Variants in CIAPIN1 observed in about 807,000 individuals in gnomAD.
The protein encoded by CIAPIN1 is anamorsin.
In CIAPIN1, 18 loss-of-function variants were observed where a neutral mutation model predicts 34.3. That is an observed-to-expected ratio of 0.52 (90% confidence interval 0.36 to 0.78). The LOEUF is 0.78. Among genes scored for constraint, CIAPIN1 ranks in the 30% least tolerant of loss-of-function variants. CIAPIN1 has a pLI of 0.00. For synonymous variants in CIAPIN1, 131 were observed against 140.4 expected (o/e 0.93, Z 0.47); for missense variants, 310 against 372.5 (o/e 0.83, Z 1.38).
At chr16:57,443,169 CAG>C (rs2029918428) in intron 1 of CIAPIN1, among the ~76,000 whole-genome samples, 1 of 134,632 alleles carries the variant, frequency 7.4e-6, no homozygotes, top group African/African-American at 2.8e-5. Context: ...GTGGGGAGGA[CAG>C]AGTTTCACTC....
At position 57,428,348 on chromosome 16, in the gene CIAPIN1, T is replaced by C. The variant is rs1367749197; in HGVS notation, c.*822A>G. Reference sequence around the variant, plus strand: ...AGAGAGACGTATTGTCGTTCAGAGTTCTGCCCTGCTTCCCTCTAAATGCTC... The same window carrying C: ...AGAGAGACGTATTGTCGTTCAGAGTCCTGCCCTGCTTCCCTCTAAATGCTC... On this transcript the variant is annotated 3_prime_UTR_variant, in exon 9 of 9. Transcript: ENST00000394391. 2.0e-5 allele frequency: 3 copies of C among 152,182 alleles called. No individual in the cohort carries two copies. Among genetic ancestry groups the C allele is most frequent in the Non-Finnish European group, 4.4e-5 (3 of 68,032 alleles). 9.4% of individuals were successfully genotyped at this position (152,182 alleles called of 1,614,324 possible).
rs1183112453 is a variant in CIAPIN1 at position 57,428,316 on chromosome 16, T to A, written c.*854A>T. On this transcript the variant is annotated 3_prime_UTR_variant, in exon 9 of 9. Coordinates refer to ENST00000394391, the MANE Select transcript of CIAPIN1 (RefSeq NM_020313.4). ...GGTGGATAACAAGAACAAAGGGGTC[T>A]CTGCTCAGAGAGACGTATTGTCGTT... is the stretch of plus-strand genomic sequence containing the variant. 2 of 152,226 alleles carry A rather than the reference T, an allele frequency of 1.3e-5. No homozygotes were observed. Among genetic ancestry groups the A allele is most frequent in the Non-Finnish European group, 2.9e-5 (2 of 68,050 alleles). 9.4% of individuals were successfully genotyped at this position (152,226 alleles called of 1,614,324 possible). A position where few individuals can be genotyped will look rare whatever the true frequency, so the allele number is the denominator to read the frequency against.
chr16:57,443,061 T>C (rs1457330582), intron 1 of CIAPIN1, among the ~76,000 whole-genome samples: 5 of 143,860 alleles, frequency 3.5e-5, no homozygotes, highest in African/African-American at 1.3e-4. Context: ...TTTTCCTTAA[T>C]GACAGAGGGC....
intron 4 of CIAPIN1, among the ~76,000 whole-genome samples, chr16:57,436,065 C>T (rs527877578): frequency 2.4e-4 from 36 of 152,296 alleles, no homozygotes; most frequent in South Asian, 8.3e-4. Flanking sequence ...GCCTAGGATT[C>T]GGGTCTACTG....
At chr16:57,429,694 A>G (rs139227810) in intron 8 of CIAPIN1, among the ~76,000 whole-genome samples, 5,861 of 151,680 alleles carry the variant, frequency 0.039, 150 homozygotes, top group Middle Eastern at 0.093. Flanking sequence ...GGGTTTCACC[A>G]TGTTAGCCAG....
chr16:57,430,729 C>G (rs1903067562), intron 7 of CIAPIN1: 1 of 252,972 alleles, frequency 4.0e-6, no homozygotes, highest in African/African-American at 2.2e-5. Context: ...ATGATTAACG[C>G]TGATGATGAA....
At chr16:57,445,742 G>A (rs2030026516) in intron 1 of CIAPIN1, among the ~76,000 whole-genome samples, 1 of 150,206 alleles carries the variant, frequency 6.7e-6, no homozygotes, top group Non-Finnish European at 1.5e-5. Context: ...CCTACTATGT[G>A]CCTGTCCCTA....
intron 1 of CIAPIN1, among the ~76,000 whole-genome samples, chr16:57,446,392 C>T (rs1482818499): frequency 2.0e-5 from 3 of 152,152 alleles, no homozygotes; most frequent in East Asian, 1.9e-4. Context: ...TCCCCGCACC[C>T]GTGCAGGGGG....
At chr16:57,430,367 G>T in intron 7 of CIAPIN1, 28 bp from the exon 8 acceptor site, 1 of 1,608,648 alleles carries the variant, frequency 6.2e-7, no homozygotes, top group South Asian at 1.1e-5. Context: ...ACTAATGAAC[G>T]AGAATTGTCA....
Position 57,436,329 on chromosome 16 carries a change from G to A in CIAPIN1, c.387+327C>T, listed in dbSNP as rs1232128793. Among the ~76,000 whole-genome samples, 5 of 152,168 alleles carry A rather than the reference G, an allele frequency of 3.3e-5. No homozygotes were observed. The East Asian group carries it at 7.7e-4, about 23-fold the overall frequency. On this transcript the variant is annotated intron_variant, in intron 4 of 8. Coordinates refer to ENST00000394391, the MANE Select transcript of CIAPIN1 (RefSeq NM_020313.4). ...TGCAAGCTCCGCCTCTCAGGTTGAC[G>A]CCATTCTCCTGCCTCAGCCTCCTGA...
intron 7 of CIAPIN1, 85 bp from the exon 8 acceptor site, chr16:57,430,424 C>T: frequency 7.8e-7 from 1 of 1,290,236 alleles, no homozygotes; most frequent in South Asian, 1.2e-5. Flanking sequence ...GTGCTTTAAG[C>T]CTTTTCTCTT....
chr16:57,439,479 A>T (rs1903279277), intron 2 of CIAPIN1, 145 bp from the exon 3 acceptor site: 3 of 762,540 alleles, frequency 3.9e-6, no homozygotes, highest in Non-Finnish European at 4.2e-6. Context: ...ATGAATAGTA[A>T]GTGTTTTAAA....
At chr16:57,441,011 C>G in intron 1 of CIAPIN1, 28 bp from the exon 2 acceptor site, 1 of 1,407,070 alleles carries the variant, frequency 7.1e-7, no homozygotes, top group Non-Finnish European at 9.8e-7. Context: ...GCAATTTAAT[C>G]TGTGAGATAT....
rs1329662362 is a variant in CIAPIN1 at position 57,437,168 on chromosome 16, T to G, written c.311-436A>C. Among the ~76,000 whole-genome samples, 3 of 152,164 alleles carry G rather than the reference T, an allele frequency of 2.0e-5. No homozygotes were observed. In the East Asian group the frequency reaches 5.8e-4, roughly 29 times the overall value. ...AAAAATAATAACCTATTCTGTTTAATGTACAGATGGTCCTTGACTTAATGA... is the reference window on the plus strand; with the variant it reads ...AAAAATAATAACCTATTCTGTTTAAGGTACAGATGGTCCTTGACTTAATGA... On this transcript the variant is annotated intron_variant, in intron 3 of 8. Coordinates refer to ENST00000394391, the MANE Select transcript of CIAPIN1 (RefSeq NM_020313.4).
chr16:57,433,959 C>T, intron 5 of CIAPIN1, 85 bp downstream of exon 5: 1 of 1,187,002 alleles, frequency 8.4e-7, no homozygotes, highest in Non-Finnish European at 1.3e-6. Context: ...CTAAAAATAT[C>T]ACCATCTCAT....
intron 3 of CIAPIN1, among the ~76,000 whole-genome samples, chr16:57,437,699 T>A (rs752753251): frequency 6.6e-6 from 1 of 151,966 alleles, no homozygotes; most frequent in East Asian, 1.9e-4. Context: ...CTAATTTTTG[T>A]ATTTTTTGTA....
chr16:57,440,762 G>A lies in CIAPIN1; in HGVS notation c.157+10C>T. 1 of 1,607,812 alleles carries A rather than the reference G, an allele frequency of 6.2e-7. No individual in the cohort carries two copies. The highest frequency in any genetic ancestry group is 8.5e-7 in the Non-Finnish European group (1 of 1,176,176). On this transcript the variant is annotated intron_variant, in intron 2 of 8. Coordinates refer to ENST00000394391, the MANE Select transcript of CIAPIN1 (RefSeq NM_020313.4). ...CCAGCCTCATAAAGACAACGTGGGT[G>A]GGTACTTACATTGCAACAGCTGCTT...
chr16:57,431,552 T>C (rs1184305223), intron 6 of CIAPIN1: 2 of 220,076 alleles, frequency 9.1e-6, no homozygotes, highest in African/African-American at 2.3e-5. Flanking sequence ...AATATACACA[T>C]GTTGGGGGTT....
chr16:57,447,354 C>G lies in CIAPIN1; in HGVS notation c.-68G>C, dbSNP rs376379902. 1.5e-6 allele frequency: 1 copy of G among 683,844 alleles called. No individual in the cohort carries two copies. Among genetic ancestry groups the G allele is most frequent in the East Asian group, 3.4e-5 (1 of 29,264 alleles). The allele number at this position is 683,844 out of a possible 1,614,324, so 42.4% of individuals were successfully genotyped here. ...CCACCACTCTCACCTGCCGCCTGGG[C>G]TCGCTCCCGGCTTCTCTCCAGCCGT... On this transcript the variant is annotated 5_prime_UTR_variant, in exon 1 of 9. Coordinates refer to ENST00000394391, the MANE Select transcript of CIAPIN1 (RefSeq NM_020313.4).
Sources: gnomAD v4.1 joint callset for allele counts (sites outside exome capture counted in the v4.1 genomes callset) on GRCh38, gnomAD v4.1.1 for gene constraint, MANE v1.5 for transcripts, NCBI Gene and HGNC (gene_info 2026-07-23, HGNC 2026-07-21) for gene names.